PRTG: variants seen among roughly 807,000 people sequenced by gnomAD.
PRTG encodes immunoglobulin superfamily, DCC subclass, member 5.
Under a neutral mutation model 122.5 loss-of-function variants are expected in PRTG, and 67 were observed. The ratio of observed to expected loss-of-function variants is 0.55; its 90% CI spans 0.45 to 0.67. The LOEUF (loss-of-function observed/expected upper bound fraction) is 0.67, where lower values mean the gene tolerates loss of function less well. Among genes scored for constraint, PRTG ranks in the 30% least tolerant of loss-of-function variants. The pLI is 0.00. For synonymous variants in PRTG, 554 were observed against 501.1 expected (o/e 1.11, Z -1.41); for missense variants, 1,435 against 1,415.4 (o/e 1.01, Z -0.22).
intron 18 of PRTG, among the ~76,000 whole-genome samples, chr15:55,623,003 T>A (rs2059175306): frequency 6.6e-6 from 1 of 152,240 alleles, no homozygotes. Context: ...TTACCTATAA[T>A]ATGTATTGTA....
intron 2 of PRTG, among the ~76,000 whole-genome samples, chr15:55,687,044 G>C (rs2059574169): frequency 6.6e-6 from 1 of 152,096 alleles, no homozygotes; most frequent in Non-Finnish European, 1.5e-5. Flanking sequence ...GCAGCAGCAG[G>C]TCATGTTCTT....
At position 55,682,454 on chromosome 15, in the gene PRTG, T is replaced by C; in HGVS notation, c.586A>G (p.Ser196Gly). The C allele has an allele frequency of 6.2e-7, 1 of 1,600,970 alleles. No individual in the cohort carries two copies. The highest frequency in any genetic ancestry group is 8.5e-7 in the Non-Finnish European group (1 of 1,172,060). ...PTGVLQIYDV[S>G]QRDSGNYRCI... ...CGATAATTTCCAGAATCCCTTTGGC[T>C]GACATCATAGATCTGCAATACTCCT... Residue 196 changes from serine (S) to glycine (G), a missense_variant, in exon 4 of 20, where the codon AGC (serine) becomes GGC (glycine). By Grantham distance (56) the Ser-to-Gly change is moderately conservative. Transcript: ENST00000389286.
chr15:55,700,252 A>G (rs2059654425), intron 2 of PRTG, among the ~76,000 whole-genome samples: 1 of 152,216 alleles, frequency 6.6e-6, no homozygotes. Flanking sequence ...AAACATCCAT[A>G]TTTGAAAAAA....
At chr15:55,686,277 G>C (rs548820078) in intron 2 of PRTG, among the ~76,000 whole-genome samples, 2 of 152,064 alleles carry the variant, frequency 1.3e-5, no homozygotes, top group African/African-American at 4.8e-5. Context: ...CCATGTGTGA[G>C]GGGTGACCAT....
At chr15:55,645,793 C>T (rs1275070221) in intron 11 of PRTG, among the ~76,000 whole-genome samples, 4 of 152,052 alleles carry the variant, frequency 2.6e-5, no homozygotes, top group Admixed American at 2.0e-4. Flanking sequence ...AGCACTGCCA[C>T]GTATGTAGTG....
intron 4 of PRTG, among the ~76,000 whole-genome samples, chr15:55,681,056 A>G (rs1329303184): frequency 6.6e-6 from 1 of 152,174 alleles, no homozygotes; most frequent in African/African-American, 2.4e-5. Flanking sequence ...AGGTTCACCC[A>G]TGTTGTTACA....
At chr15:55,672,976 C>T (rs543244994) in intron 10 of PRTG, among the ~76,000 whole-genome samples, 3 of 151,976 alleles carry the variant, frequency 2.0e-5, no homozygotes, top group Non-Finnish European at 2.9e-5. Flanking sequence ...GAAAACCAGT[C>T]GTGTTACATT....
At chr15:55,638,071 A>G (rs1190078857) in intron 14 of PRTG, among the ~76,000 whole-genome samples, 1 of 152,228 alleles carries the variant, frequency 6.6e-6, no homozygotes, top group Non-Finnish European at 1.5e-5. Context: ...TAGAGATAAG[A>G]AAATGTTGGT....
At chr15:55,638,450 C>A (rs1485804081) in intron 14 of PRTG, 99 bp downstream of exon 14, 4 of 812,184 alleles carry the variant, frequency 4.9e-6, no homozygotes, top group Admixed American at 3.6e-5. Context: ...TGGTAGGTGG[C>A]AACTAGGGTA....
intron 11 of PRTG, among the ~76,000 whole-genome samples, chr15:55,645,626 A>G (rs1367174872): frequency 1.3e-5 from 2 of 151,974 alleles, no homozygotes; most frequent in Middle Eastern, 3.4e-3. Flanking sequence ...ATACACAAAG[A>G]ATGAACCTCA....
intron 2 of PRTG, among the ~76,000 whole-genome samples, chr15:55,701,803 C>T (rs2029897578): frequency 6.6e-6 from 1 of 152,084 alleles, no homozygotes; most frequent in South Asian, 2.1e-4. Context: ...CAATATAGAT[C>T]AATAAATCTC....
At chr15:55,620,537 A>T in intron 19 of PRTG, 126 bp downstream of exon 19, 1 of 1,374,620 alleles carries the variant, frequency 7.3e-7, no homozygotes, top group Non-Finnish European at 9.7e-7. Context: ...GCCCCAAATT[A>T]ATAAAATCAC....
intron 2 of PRTG, among the ~76,000 whole-genome samples, chr15:55,707,611 G>A (rs1277324798): frequency 2.0e-5 from 3 of 152,148 alleles, no homozygotes; most frequent in African/African-American, 7.2e-5. Context: ...TCCATAATGC[G>A]ATCAATAAGC....
At chr15:55,688,872 A>G (rs1420012054) in intron 2 of PRTG, among the ~76,000 whole-genome samples, 3 of 152,150 alleles carry the variant, frequency 2.0e-5, no homozygotes, top group Non-Finnish European at 4.4e-5. Flanking sequence ...CTCCAAAGTC[A>G]TCGTGTCCAA....
At chr15:55,715,565 A>G (rs1485035018) in intron 2 of PRTG, among the ~76,000 whole-genome samples, 1 of 152,332 alleles carries the variant, frequency 6.6e-6, no homozygotes, top group African/African-American at 2.4e-5. Context: ...TGTTTGCAAA[A>G]GCAGCAGGAA....
chr15:55,666,859 A>G (rs908543627), intron 11 of PRTG, among the ~76,000 whole-genome samples: 8 of 152,218 alleles, frequency 5.3e-5, no homozygotes, highest in Non-Finnish European at 8.8e-5. Flanking sequence ...TCTAAAATCA[A>G]TACCATTATC....
chr15:55,684,046 C>T, intron 2 of PRTG, 115 bp from the exon 3 acceptor site: 1 of 703,812 alleles, frequency 1.4e-6, no homozygotes, highest in Non-Finnish European at 2.2e-6. Context: ...ATAAGACCAA[C>T]CTAACTTAAC....
intron 2 of PRTG, among the ~76,000 whole-genome samples, chr15:55,720,059 CAAAAAGAAAA>C (rs2030754603): frequency 6.6e-6 from 1 of 151,120 alleles, no homozygotes; most frequent in African/African-American, 2.4e-5. Flanking sequence ...AACTTCATCT[CAAAAAGAAAA>C]GAAAAGAAAA....
intron 18 of PRTG, 51 bp from the exon 19 acceptor site, chr15:55,620,818 C>G: frequency 6.9e-7 from 1 of 1,458,796 alleles, no homozygotes; most frequent in Non-Finnish European, 9.4e-7. Context: ...TCACAGATTT[C>G]ACTTTATCAC....
Sources: allele counts gnomAD v4.1 joint callset (sites outside exome capture counted in the v4.1 genomes callset), GRCh38; gene constraint gnomAD v4.1.1; transcripts MANE v1.5; gene names NCBI Gene and HGNC (gene_info 2026-07-23, HGNC 2026-07-21).